Variants in DCC observed in about 807,000 individuals in gnomAD.
The protein encoded by DCC is DCC netrin 1 receptor, also known as netrin receptor DCC.
DCC carries 58 observed loss-of-function variants against 172.5 expected under a neutral mutation model. The ratio of observed to expected loss-of-function variants is 0.34; its 90% confidence interval spans 0.27 to 0.42. The LOEUF is 0.42. Ranked by LOEUF, DCC falls within the 10% of genes least tolerant of loss-of-function variation. The probability of loss-of-function intolerance (pLI) is 1.00; values close to 1 mark genes in which losing one functional copy is unlikely to be tolerated. For synonymous variants in DCC, 709 were observed against 644.5 expected (o/e 1.10, Z -1.52); for missense variants, 1,740 against 1,791.0 (o/e 0.97, Z 0.51).
chr18:53,260,792 C>A (rs563428797), intron 12 of DCC, among the ~76,000 whole-genome samples: 2 of 152,268 alleles, frequency 1.3e-5, no homozygotes, highest in South Asian at 4.1e-4. Context: ...CTATGCCCTG[C>A]CCTCAGAGGT....
intron 7 of DCC, among the ~76,000 whole-genome samples, chr18:53,117,508 G>A (rs1238239831): frequency 4.6e-5 from 7 of 151,652 alleles, no homozygotes; most frequent in Non-Finnish European, 1.5e-5. Context: ...GGGCTCTTTA[G>A]TTGTTGAATT....
chr18:52,642,085 C>CCT (rs1598980438), intron 1 of DCC, among the ~76,000 whole-genome samples: 3 of 124,710 alleles, frequency 2.4e-5, no homozygotes, highest in East Asian at 5.2e-4. Flanking sequence ...TATATACACA[C>CCT]ACACACACAC....
intron 15 of DCC, among the ~76,000 whole-genome samples, chr18:53,376,268 C>T (rs184558441): frequency 6.6e-6 from 1 of 152,082 alleles, no homozygotes; most frequent in Non-Finnish European, 1.5e-5. Context: ...CCTGTACTCC[C>T]AGCTACTCGG....
intron 25 of DCC, among the ~76,000 whole-genome samples, chr18:53,482,663 GCA>G (rs1263966223): frequency 6.6e-6 from 1 of 151,944 alleles, no homozygotes; most frequent in African/African-American, 2.4e-5. Context: ...AATATAGTAT[GCA>G]CAGTTTGTGG....
chr18:52,906,240 A>G lies in DCC; in HGVS notation c.609A>G (p.Gln203=), dbSNP rs780644260. 3 of 1,613,978 alleles carry G rather than the reference A, an allele frequency of 1.9e-6. No individual in the cohort carries two copies. The highest frequency in any genetic ancestry group is 1.1e-5 in the South Asian group (1 of 91,094). Residue 203 remains glutamine (Q), a synonymous_variant, in exon 3 of 29, where the codon CAA becomes CAG. Coordinates refer to ENST00000442544, the MANE Select transcript of DCC (RefSeq NM_005215.4). ...PSGALQISRL[Q]PGDIGIYRCS... ...GAGCATTGCAGATCAGCCGACTCCAACCGGGGGACATTGGAATTTACCGAT... is the reference window on the plus strand; with the variant it reads ...GAGCATTGCAGATCAGCCGACTCCAGCCGGGGGACATTGGAATTTACCGAT...
At chr18:53,407,765 T>C (rs1449134094) in intron 19 of DCC, among the ~76,000 whole-genome samples, 1 of 151,842 alleles carries the variant, frequency 6.6e-6, no homozygotes, top group African/African-American at 2.4e-5. Flanking sequence ...TTTTAATAGA[T>C]GTGGAGATGT....
At chr18:53,514,261 A>AAGAC (rs1387491995) in intron 27 of DCC, among the ~76,000 whole-genome samples, 2 of 152,148 alleles carry the variant, frequency 1.3e-5, no homozygotes, top group Admixed American at 6.5e-5. Context: ...AACGAGAACA[A>AAGAC]AGACACAACA....
At chr18:52,445,370 C>A (rs1988090235) in intron 1 of DCC, among the ~76,000 whole-genome samples, 1 of 152,056 alleles carries the variant, frequency 6.6e-6, no homozygotes, top group South Asian at 2.1e-4. Flanking sequence ...AGAGGATTAT[C>A]CATAAAGAAT....
chr18:52,872,318 A>G (rs2039333454), intron 2 of DCC, among the ~76,000 whole-genome samples: 1 of 151,952 alleles, frequency 6.6e-6, no homozygotes, highest in Non-Finnish European at 1.5e-5. Context: ...CAGCCCTCAG[A>G]GAGAATCGAC....
intron 1 of DCC, among the ~76,000 whole-genome samples, chr18:52,375,702 T>C (rs1189109488): frequency 1.3e-5 from 2 of 152,118 alleles, no homozygotes; most frequent in African/African-American, 4.8e-5. Context: ...GCCAGAAATA[T>C]AGTATCACAG....
At chr18:53,200,895 C>A (rs1009384922) in intron 9 of DCC, among the ~76,000 whole-genome samples, 4 of 152,072 alleles carry the variant, frequency 2.6e-5, no homozygotes, top group Non-Finnish European at 5.9e-5. Context: ...GCTTCTCTTC[C>A]GTGCCACACT....
chr18:53,147,852 G>T (rs1266268749), intron 7 of DCC, among the ~76,000 whole-genome samples: 1 of 152,166 alleles, frequency 6.6e-6, no homozygotes, highest in African/African-American at 2.4e-5. Context: ...TATAGGGAGA[G>T]TTGGAAGTTA....
intron 5 of DCC, among the ~76,000 whole-genome samples, chr18:52,966,319 T>C (rs72926165): frequency 0.021 from 3,249 of 152,310 alleles, 61 homozygotes; most frequent in Admixed American, 0.039. Context: ...TTATGCTTTA[T>C]AATATCCAAG....
At chr18:53,420,368 T>A (rs890546549) in intron 21 of DCC, among the ~76,000 whole-genome samples, 4 of 152,174 alleles carry the variant, frequency 2.6e-5, no homozygotes, top group Non-Finnish European at 4.4e-5. Context: ...GTTAGTGGGG[T>A]GGCAACAGCG....
At chr18:53,186,893 C>T (rs984873597) in intron 9 of DCC, among the ~76,000 whole-genome samples, 3 of 152,044 alleles carry the variant, frequency 2.0e-5, no homozygotes, top group Admixed American at 6.6e-5. Flanking sequence ...AGGGTATGAA[C>T]GGTGTGTCCT....
intron 1 of DCC, among the ~76,000 whole-genome samples, chr18:52,584,765 C>A (rs2033633257): frequency 6.6e-6 from 1 of 151,294 alleles, no homozygotes. Context: ...GTCTCGAGCT[C>A]CTGGCTTCAA....
At chr18:53,460,648 T>C (rs2145169481) in intron 24 of DCC, among the ~76,000 whole-genome samples, 1 of 152,168 alleles carries the variant, frequency 6.6e-6, no homozygotes, top group South Asian at 2.1e-4. Flanking sequence ...CCATGGTGTA[T>C]ATGTGCCACA....
intron 22 of DCC, among the ~76,000 whole-genome samples, chr18:53,442,859 A>G (rs1447738147): frequency 6.6e-6 from 1 of 152,228 alleles, no homozygotes; most frequent in East Asian, 1.9e-4. Context: ...ACCAGCGACA[A>G]CATTCCCTTC....
intron 2 of DCC, among the ~76,000 whole-genome samples, chr18:52,789,601 T>C (rs1719965720): frequency 6.6e-6 from 1 of 152,164 alleles, no homozygotes; most frequent in Non-Finnish European, 1.5e-5. Flanking sequence ...AAAAGTAACC[T>C]CACAGGTGAA....
Sources: allele counts gnomAD v4.1 joint callset (sites outside exome capture counted in the v4.1 genomes callset), GRCh38; gene constraint gnomAD v4.1.1; transcripts MANE v1.5; gene names NCBI Gene and HGNC (gene_info 2026-07-23, HGNC 2026-07-21).